The following GAREM1 variants were observed in gnomAD, a reference collection of about 807,000 sequenced individuals.
GAREM1 encodes GRB2-associated and regulator of MAPK protein 1.
In GAREM1, 26 loss-of-function variants were observed where a neutral mutation model predicts 71.3. The ratio of observed to expected loss-of-function variants is 0.36; its 90% CI spans 0.27 to 0.51. The LOEUF (loss-of-function observed/expected upper bound fraction) is 0.51. GAREM1 is among the 20% of genes least tolerant of loss of function. GAREM1 has a pLI of 0.95. For synonymous variants in GAREM1, 440 were observed against 433.2 expected, an observed-to-expected ratio of 1.02 and a Z score of -0.20; for missense variants, 1,026 against 1,103.1, an observed-to-expected ratio of 0.93 and a Z score of 0.99.
intron 1 of GAREM1, among the ~76,000 whole-genome samples, chr18:32,407,933 A>G (rs775277578): frequency 2.0e-5 from 3 of 152,140 alleles, no homozygotes; most frequent in Non-Finnish European, 1.5e-5. Context: ...CTCAATCAAA[A>G]TATATGAACT....
chr18:32,426,683 A>G (rs2048579257), intron 1 of GAREM1, among the ~76,000 whole-genome samples: 1 of 152,206 alleles, frequency 6.6e-6, no homozygotes, highest in Admixed American at 6.5e-5. Flanking sequence ...ATTTAATATG[A>G]CTTGACTGGC....
At chr18:32,383,652 C>T (rs921347100) in intron 2 of GAREM1, among the ~76,000 whole-genome samples, 1 of 152,214 alleles carries the variant, frequency 6.6e-6, no homozygotes, top group African/African-American at 2.4e-5. Context: ...AAACTTTCCA[C>T]CTGATGTTAA....
intron 2 of GAREM1, among the ~76,000 whole-genome samples, chr18:32,390,419 C>T (rs1212213962): frequency 6.6e-6 from 1 of 152,128 alleles, no homozygotes; most frequent in Non-Finnish European, 1.5e-5. Flanking sequence ...ACACTCATGA[C>T]CAGCGATTCA....
chr18:32,358,667 T>G (rs530910093), intron 2 of GAREM1, among the ~76,000 whole-genome samples: 3 of 152,314 alleles, frequency 2.0e-5, no homozygotes, highest in Admixed American at 2.0e-4. Flanking sequence ...TACGGTATCA[T>G]GCAATACATG....
At chr18:32,304,023 G>A (rs1283673659) in intron 3 of GAREM1, among the ~76,000 whole-genome samples, 2 of 151,680 alleles carry the variant, frequency 1.3e-5, no homozygotes, top group Non-Finnish European at 2.9e-5. Flanking sequence ...TAAGAGAAAA[G>A]AGGCCAGGCT....
At chr18:32,425,794 T>TC (rs1491249198) in intron 1 of GAREM1, among the ~76,000 whole-genome samples, 3 of 152,154 alleles carry the variant, frequency 2.0e-5, no homozygotes, top group African/African-American at 7.2e-5. Flanking sequence ...TTGAACTGTT[T>TC]CTCTTTCTTC....
chr18:32,429,091 G>A (rs1228270984), intron 1 of GAREM1, among the ~76,000 whole-genome samples: 1 of 152,030 alleles, frequency 6.6e-6, no homozygotes, highest in East Asian at 1.9e-4. Context: ...TATGGGGGAG[G>A]GGGAACGGGC....
rs1235225712 is a variant in GAREM1, at chr18:32,288,537, TTTA to T, written c.394-337_394-335del. On this transcript the variant is annotated intron_variant, in intron 3 of 5. Transcript: ENST00000269209. ...TGCTGATGTAGAAAATTCCTTGTTTTTTATTATTTAAATTTTAATTTTTTACTT... is the reference window on the plus strand; with the variant it reads ...TGCTGATGTAGAAAATTCCTTGTTTTTTATTTAAATTTTAATTTTTTACTT... Among the ~76,000 whole-genome samples the T allele has an allele frequency of 3.2e-4, 48 of 151,754 alleles. 1 individual carries two copies. Among genetic ancestry groups the T allele is most frequent in the Non-Finnish European group, 1.2e-4 (8 of 67,928 alleles).
intron 2 of GAREM1, among the ~76,000 whole-genome samples, chr18:32,323,939 G>A (rs1386215849): frequency 6.6e-6 from 1 of 151,964 alleles, no homozygotes; most frequent in African/African-American, 2.4e-5. Flanking sequence ...AGAAAAATGG[G>A]GAGAGAGGGA....
chr18:32,348,013 A>C (rs1308045392), intron 2 of GAREM1, among the ~76,000 whole-genome samples: 1 of 152,250 alleles, frequency 6.6e-6, no homozygotes, highest in Non-Finnish European at 1.5e-5. Context: ...ATTTCTTAAA[A>C]TAGAGATTTA....
intron 1 of GAREM1, among the ~76,000 whole-genome samples, chr18:32,404,546 GTTTTC>G (rs1210435398): frequency 6.6e-6 from 1 of 151,930 alleles, no homozygotes; most frequent in Non-Finnish European, 1.5e-5. Context: ...ATATTAAGGT[GTTTTC>G]TTTTCACATT....
At chr18:32,330,466 C>G (rs1038653370) in intron 2 of GAREM1, among the ~76,000 whole-genome samples, 3 of 151,992 alleles carry the variant, frequency 2.0e-5, no homozygotes, top group African/African-American at 4.8e-5. Flanking sequence ...GCAATGTACT[C>G]ATATAACAAA....
At chr18:32,374,843 T>A (rs2048017193) in intron 2 of GAREM1, among the ~76,000 whole-genome samples, 2 of 152,212 alleles carry the variant, frequency 1.3e-5, no homozygotes, top group Admixed American at 6.5e-5. Context: ...TCAAGAACTT[T>A]CAGGAAAGTA....
intron 2 of GAREM1, among the ~76,000 whole-genome samples, chr18:32,344,073 T>A (rs912036350): frequency 3.3e-5 from 5 of 152,198 alleles, no homozygotes; most frequent in African/African-American, 1.2e-4. Flanking sequence ...CCATCTCATC[T>A]TGAAGGAAGT....
At chr18:32,284,750 TA>T (rs1567948146) in intron 4 of GAREM1, among the ~76,000 whole-genome samples, 2 of 128,930 alleles carry the variant, frequency 1.6e-5, no homozygotes, top group Non-Finnish European at 1.6e-5. Flanking sequence ...GGTGCCCCCT[TA>T]CTTTTTTTTT....
At chr18:32,329,824 C>T (rs113041363) in intron 2 of GAREM1, among the ~76,000 whole-genome samples, 2,182 of 151,210 alleles carry the variant, frequency 0.014, 61 homozygotes, top group African/African-American at 0.049. Context: ...GGAGAGTGAT[C>T]GGGCACCATT....
At position 32,469,244 on chromosome 18, in the gene GAREM1, A is replaced by G. The variant is rs565072142; in HGVS notation, c.121+1064T>C. On this transcript the variant is annotated intron_variant, in intron 1 of 5. Transcript: ENST00000269209. Reference sequence around the variant, plus strand: ...ACGTTACCCACTCTTCTACCCCAGGAAACAAGGAGTAACCCTAGTGCCTGT... The same window carrying G: ...ACGTTACCCACTCTTCTACCCCAGGGAACAAGGAGTAACCCTAGTGCCTGT... 3.5e-3 allele frequency among the ~76,000 whole-genome samples: 540 copies of G among 152,282 alleles called. 2 individuals carry two copies. The highest frequency in any genetic ancestry group is 6.8e-3 in the Non-Finnish European group (465 of 68,022).
intron 1 of GAREM1, among the ~76,000 whole-genome samples, chr18:32,398,486 T>C (rs1277901479): frequency 2.6e-5 from 4 of 151,972 alleles, no homozygotes; most frequent in Non-Finnish European, 5.9e-5. Context: ...AAAGGGGATA[T>C]CACCACCGAT....
At chr18:32,285,836 C>A (rs2047009416) in intron 4 of GAREM1, among the ~76,000 whole-genome samples, 1 of 152,106 alleles carries the variant, frequency 6.6e-6, no homozygotes, top group Admixed American at 6.5e-5. Flanking sequence ...CCTAGTAATT[C>A]CATAGTTTTT....
Sources: gnomAD v4.1 joint callset for allele counts (sites outside exome capture counted in the v4.1 genomes callset) on GRCh38, gnomAD v4.1.1 for gene constraint, MANE v1.5 for transcripts, NCBI Gene and HGNC (gene_info 2026-07-23, HGNC 2026-07-21) for gene names.